NSRP1: variants seen among roughly 807,000 people sequenced by gnomAD.
NSRP1 encodes the protein coiled-coil domain containing 55.
NSRP1 carries 24 observed loss-of-function variants against 54.7 expected under a neutral mutation model. That is an observed-to-expected ratio of 0.44 (90% CI 0.32 to 0.62). The LOEUF is 0.62. Among genes scored for constraint, NSRP1 ranks in the 20% least tolerant of loss-of-function variants. The pLI, the probability that NSRP1 is intolerant of heterozygous loss-of-function variation, is 0.06. For synonymous variants in NSRP1, 210 were observed against 213.8 expected (o/e 0.98, Z 0.15); for missense variants, 596 against 651.2 (o/e 0.92, Z 0.92).
intron 2 of NSRP1, among the ~76,000 whole-genome samples, chr17:30,119,465 C>T (rs1221444729): frequency 6.6e-6 from 1 of 152,088 alleles, no homozygotes; most frequent in African/African-American, 2.4e-5. Flanking sequence ...CTTGCCTTGG[C>T]CTCCCAAAGT....
intron 2 of NSRP1, among the ~76,000 whole-genome samples, chr17:30,137,358 A>C (rs2071759503): frequency 2.0e-5 from 3 of 152,206 alleles, no homozygotes; most frequent in African/African-American, 7.2e-5. Context: ...TCTTGATATC[A>C]GGCTTAGCCA....
intron 3 of NSRP1, among the ~76,000 whole-genome samples, chr17:30,176,040 A>G (rs551824989): frequency 1.1e-4 from 17 of 151,382 alleles, no homozygotes; most frequent in East Asian, 3.9e-4. Flanking sequence ...AATGTTCTCT[A>G]TGTGTCCATT....
intron 2 of NSRP1, among the ~76,000 whole-genome samples, chr17:30,132,141 C>G (rs544396146): frequency 1.4e-5 from 2 of 146,338 alleles, no homozygotes; most frequent in African/African-American, 5.1e-5. Flanking sequence ...CCAGCTACTC[C>G]GGAGGCTGAG....
At chr17:30,134,941 T>A (rs2071735353) in intron 2 of NSRP1, among the ~76,000 whole-genome samples, 1 of 152,136 alleles carries the variant, frequency 6.6e-6, no homozygotes, top group Admixed American at 6.5e-5. Flanking sequence ...CCTAGGAATA[T>A]TTTGAGGAGA....
chr17:30,152,530 G>A (rs927601317), intron 2 of NSRP1, among the ~76,000 whole-genome samples: 1 of 140,680 alleles, frequency 7.1e-6, no homozygotes. Flanking sequence ...TTTTTCTTCT[G>A]TGAGTTTTAT....
rs1290234572 is a variant in NSRP1 at position 30,178,109 on chromosome 17, T to C, written c.210T>C (p.Ala70=). 1.9e-6 allele frequency: 3 copies of C among 1,612,452 alleles called. No individual in the cohort carries two copies. The highest frequency in any genetic ancestry group is 2.2e-5 in the East Asian group (1 of 44,794). ...LEIQKALAED[A]TVYEYDSIYD... is the part of the protein sequence containing the mutation. ...TCCAGAAGGCCCTTGCAGAAGATGCTACTGTGTATGAATATGACAGTATTT... is the reference window on the plus strand; with the variant it reads ...TCCAGAAGGCCCTTGCAGAAGATGCCACTGTGTATGAATATGACAGTATTT... The change falls in exon 4 of 7, where the codon GCT becomes GCC. Residue 70 remains alanine, a synonymous_variant. Coordinates refer to ENST00000247026, the MANE Select transcript of NSRP1 (RefSeq NM_032141.4).
chr17:30,162,526 A>T lies in NSRP1; in HGVS notation c.115-10016A>T, dbSNP rs567044663. ...CTGTTGCTAAGTTTAAAAAAGTAAA[A>T]AAGAACAGGAAGTTCTCAGCACGAC... On this transcript the variant is annotated intron_variant, in intron 2 of 6. Transcript: ENST00000247026. 3.9e-5 allele frequency among the ~76,000 whole-genome samples: 6 copies of T among 152,362 alleles called. No homozygotes were observed. The South Asian group carries it at 1.2e-3, about 32-fold the overall frequency.
intron 2 of NSRP1, chr17:30,169,027 C>G (rs1447671485): frequency 1.3e-5 from 2 of 151,958 alleles, no homozygotes; most frequent in African/African-American, 2.4e-5. Context: ...TGTTACCTTC[C>G]TGTGTAAGTA....
At chr17:30,121,820 G>T (rs751441103) in intron 2 of NSRP1, among the ~76,000 whole-genome samples, 2 of 151,972 alleles carry the variant, frequency 1.3e-5, no homozygotes, top group Admixed American at 1.3e-4. Flanking sequence ...CACCTCGCCC[G>T]GCCTCCCAAA....
chr17:30,158,415 T>C (rs1384753475), intron 2 of NSRP1, among the ~76,000 whole-genome samples: 2 of 151,870 alleles, frequency 1.3e-5, no homozygotes, highest in Non-Finnish European at 2.9e-5. Context: ...ATTCATCAGG[T>C]TGTCTCTTCT....
chr17:30,173,478 T>C (rs1905027870), intron 3 of NSRP1, among the ~76,000 whole-genome samples: 1 of 152,216 alleles, frequency 6.6e-6, no homozygotes, highest in Admixed American at 6.6e-5. Context: ...GATTTTCTGC[T>C]ATAGAATGTA....
chr17:30,141,912 G>A (rs2071808955), intron 2 of NSRP1, among the ~76,000 whole-genome samples: 1 of 152,230 alleles, frequency 6.6e-6, no homozygotes, highest in Non-Finnish European at 1.5e-5. Flanking sequence ...ACTGAGGTGG[G>A]AGGATCGCTT....
At chr17:30,178,347 G>GAT in intron 4 of NSRP1, 148 bp downstream of exon 4, 1 of 841,622 alleles carries the variant, frequency 1.2e-6, no homozygotes, top group Admixed American at 3.4e-5. Flanking sequence ...AAATTTGATT[G>GAT]TAGAACTCAA....
chr17:30,171,183 T>C lies in NSRP1; in HGVS notation c.115-1359T>C, dbSNP rs966577434. Among the ~76,000 whole-genome samples, 6 of 152,254 alleles carry C rather than the reference T, an allele frequency of 3.9e-5. No individual in the cohort carries two copies. The East Asian group carries it at 1.2e-3, about 29-fold the overall frequency. On this transcript the variant is annotated intron_variant, in intron 2 of 6. Coordinates refer to ENST00000247026, the MANE Select transcript of NSRP1 (RefSeq NM_032141.4). ...TTTGATTCTGGTCTAATGTCATATCTCTTTTGGAAAGGGATTCTTGATTCC... is the reference window on the plus strand; with the variant it reads ...TTTGATTCTGGTCTAATGTCATATCCCTTTTGGAAAGGGATTCTTGATTCC...
At chr17:30,155,446 A>G (rs889097806) in intron 2 of NSRP1, among the ~76,000 whole-genome samples, 27 of 152,224 alleles carry the variant, frequency 1.8e-4, no homozygotes, top group African/African-American at 6.5e-4. Flanking sequence ...CTAGAAAATT[A>G]CCAGTCATTC....
At chr17:30,174,630 A>G (rs1017210482) in intron 3 of NSRP1, among the ~76,000 whole-genome samples, 1 of 152,096 alleles carries the variant, frequency 6.6e-6, no homozygotes, top group African/African-American at 2.4e-5. Context: ...TCTGATAGAT[A>G]TTTGTTGCTA....
intron 4 of NSRP1, 137 bp from the exon 5 acceptor site, chr17:30,178,953 G>A (rs533408935): frequency 7.7e-4 from 353 of 459,890 alleles, no homozygotes; most frequent in Middle Eastern, 1.2e-3. Flanking sequence ...AATCTTGCTA[G>A]TAAGTTTATA....
chr17:30,154,551 A>G (rs1214232824), intron 2 of NSRP1: 3 of 151,848 alleles, frequency 2.0e-5, no homozygotes, highest in African/African-American at 7.3e-5. Context: ...TGTCTCTACA[A>G]AACACTAAAA....
rs182346300 is a variant in NSRP1 at position 30,126,295 on chromosome 17, G to A, written c.114+8122G>A. 1.8e-3 allele frequency among the ~76,000 whole-genome samples: 275 copies of A among 152,096 alleles called. 1 individual carries two copies. Among genetic ancestry groups the A allele is most frequent in the Admixed American group, 2.8e-3 (42 of 15,270 alleles). Reference sequence around the variant, plus strand: ...GTTCCTCCATAAAAAGTACACTGTCGTGCTTGCAGTTTTTCACAGCTCTGC... The same window carrying A: ...GTTCCTCCATAAAAAGTACACTGTCATGCTTGCAGTTTTTCACAGCTCTGC... On this transcript the variant is annotated intron_variant, in intron 2 of 6. Transcript: ENST00000247026.
Sources: gnomAD v4.1 joint callset for allele counts (sites outside exome capture counted in the v4.1 genomes callset) on GRCh38, gnomAD v4.1.1 for gene constraint, MANE v1.5 for transcripts, NCBI Gene and HGNC (gene_info 2026-07-23, HGNC 2026-07-21) for gene names.